SFMBT1: variants seen among roughly 807,000 people sequenced by gnomAD.
SFMBT1 encodes the protein scm-like with four MBT domains protein 1.
A neutral mutation model predicts 108.7 loss-of-function variants in SFMBT1; 32 were observed. That is an observed-to-expected ratio of 0.29 (90% CI 0.22 to 0.40). The LOEUF (loss-of-function observed/expected upper bound fraction) is 0.40. Ranked by LOEUF, SFMBT1 falls within the 10% of genes least tolerant of loss-of-function variation. The pLI is 1.00. For missense variants in SFMBT1, 816 were observed against 1,059.6 expected (o/e 0.77, Z 3.19); for synonymous variants, 348 against 369.5 (o/e 0.94, Z 0.67).
intron 17 of SFMBT1, among the ~76,000 whole-genome samples, chr3:52,910,572 T>C (rs920670012): frequency 1.3e-5 from 2 of 152,114 alleles, no homozygotes; most frequent in African/African-American, 4.8e-5. Context: ...CACTGCAACC[T>C]TCATCTCCCG....
intron 2 of SFMBT1, among the ~76,000 whole-genome samples, chr3:52,966,202 A>G (rs1174903393): frequency 6.7e-6 from 1 of 148,654 alleles, no homozygotes; most frequent in Non-Finnish European, 1.5e-5. Flanking sequence ...CTGTAGTCCC[A>G]GCTACTCGGG....
chr3:52,970,348 A>AT (rs1285726681), intron 1 of SFMBT1, among the ~76,000 whole-genome samples: 2 of 152,178 alleles, frequency 1.3e-5, no homozygotes, highest in Non-Finnish European at 1.5e-5. Context: ...TTTCCCAAAC[A>AT]TTTCACATAA....
At chr3:52,940,142 G>A (rs1703136769) in intron 4 of SFMBT1, among the ~76,000 whole-genome samples, 1 of 152,104 alleles carries the variant, frequency 6.6e-6, no homozygotes, top group African/African-American at 2.4e-5. Context: ...CATACGTTAG[G>A]ATGAGATGGT....
At chr3:52,975,984 C>T (rs761712526) in intron 1 of SFMBT1, among the ~76,000 whole-genome samples, 1 of 152,052 alleles carries the variant, frequency 6.6e-6, no homozygotes, top group Non-Finnish European at 1.5e-5. Context: ...GCACTCCAAC[C>T]TGGGTGATAG....
chr3:52,910,820 C>T (rs555017185), intron 17 of SFMBT1, among the ~76,000 whole-genome samples, 183 bp downstream of exon 17: 2 of 152,306 alleles, frequency 1.3e-5, no homozygotes, highest in South Asian at 4.1e-4. Flanking sequence ...AAACACAACA[C>T]ATAGAAAAAG....
rs1200560459 is a variant in SFMBT1 at position 52,905,133 on chromosome 3, T to C, written c.*3A>G. Reference sequence around the variant, plus strand: ...AAGATCCAGCTCACTTTGGTTGTCCTTCTCAGTTGGCAAACTGCTCATAAA... The same window carrying C: ...AAGATCCAGCTCACTTTGGTTGTCCCTCTCAGTTGGCAAACTGCTCATAAA... On this transcript the variant is annotated 3_prime_UTR_variant, in exon 21 of 21. Coordinates refer to ENST00000394752, the MANE Select transcript of SFMBT1 (RefSeq NM_016329.4). 6.2e-7 allele frequency: 1 copy of C among 1,613,424 alleles called. No individual in the cohort carries two copies. The highest frequency in any genetic ancestry group is 8.5e-7 in the Non-Finnish European group (1 of 1,179,726).
chr3:52,965,207 T>TA (rs113855341), intron 2 of SFMBT1, among the ~76,000 whole-genome samples: 14,101 of 147,258 alleles, frequency 0.096, 675 homozygotes, highest in African/African-American at 0.11. Flanking sequence ...CCCAATTAAT[T>TA]AAAAAAAAAC....
At chr3:52,982,368 A>G (rs760334725) in intron 1 of SFMBT1, among the ~76,000 whole-genome samples, 4 of 152,222 alleles carry the variant, frequency 2.6e-5, no homozygotes, top group Non-Finnish European at 5.9e-5. Context: ...TTGACAACAG[A>G]GCCAATCACA....
At chr3:52,969,023 G>T in intron 2 of SFMBT1, 78 bp downstream of exon 2, 1 of 1,549,476 alleles carries the variant, frequency 6.5e-7, no homozygotes, top group Non-Finnish European at 8.9e-7. Flanking sequence ...TTCAGTGGTA[G>T]AGAAACAGAC....
chr3:52,909,047 CTGAGT>C (rs1343319000), intron 17 of SFMBT1, among the ~76,000 whole-genome samples: 1 of 152,104 alleles, frequency 6.6e-6, no homozygotes, highest in East Asian at 1.9e-4. Context: ...CATATTCTAG[CTGAGT>C]TATGTATTAA....
intron 1 of SFMBT1, among the ~76,000 whole-genome samples, chr3:53,008,836 C>T (rs1698842786): frequency 6.6e-6 from 1 of 151,962 alleles, no homozygotes; most frequent in Non-Finnish European, 1.5e-5. Flanking sequence ...GGGGTTTCAC[C>T]GTGTTAGCCA....
chr3:52,915,655 T>C (rs760054103), intron 14 of SFMBT1, among the ~76,000 whole-genome samples: 4 of 152,226 alleles, frequency 2.6e-5, no homozygotes, highest in Non-Finnish European at 5.9e-5. Flanking sequence ...ACAAAAGGCT[T>C]GAACCTCCAG....
intron 2 of SFMBT1, among the ~76,000 whole-genome samples, chr3:52,961,099 C>T (rs1157438192): frequency 1.3e-5 from 2 of 152,178 alleles, no homozygotes; most frequent in Admixed American, 1.3e-4. Context: ...CATCACTGCA[C>T]TCCAGCCTGG....
intron 9 of SFMBT1, among the ~76,000 whole-genome samples, chr3:52,926,341 G>A (rs909005632): frequency 3.3e-5 from 5 of 152,176 alleles, no homozygotes; most frequent in Admixed American, 2.0e-4. Flanking sequence ...GGATAAATTT[G>A]TAAACTTTCA....
Position 52,974,275 on chromosome 3 carries a change from C to T in SFMBT1, c.-130-5017G>A, listed in dbSNP as rs144767506. Among the ~76,000 whole-genome samples, 4 of 152,262 alleles carry T rather than the reference C, an allele frequency of 2.6e-5. No individual in the cohort carries two copies. In the South Asian group the frequency reaches 6.2e-4, roughly 24 times the overall value. The stretch of plus-strand genomic sequence containing the variant: ...ACAGAAACAAGTCCAACAATAATTT[C>T]GAGTATGTTGTTAAATATACTAATT... On this transcript the variant is annotated intron_variant, in intron 1 of 20. Transcript: ENST00000394752.
chr3:52,970,086 G>A (rs1197864236), intron 1 of SFMBT1, among the ~76,000 whole-genome samples: 1 of 151,012 alleles, frequency 6.6e-6, no homozygotes, highest in Non-Finnish European at 1.5e-5. Flanking sequence ...GGGTGACACA[G>A]CCAGACACTG....
At chr3:52,991,558 G>A (rs1294437060) in intron 1 of SFMBT1, among the ~76,000 whole-genome samples, 3 of 151,984 alleles carry the variant, frequency 2.0e-5, no homozygotes, top group African/African-American at 7.2e-5. Flanking sequence ...TGGCCAGGAT[G>A]GTCTCGAACT....
rs1254406559 is a variant in SFMBT1 at position 52,931,953 on chromosome 3, GAACT to G, written c.700+105_700+108del. 8.0e-5 allele frequency: 100 copies of G among 1,243,274 alleles called. No individual in the cohort carries two copies. In the Middle Eastern group the frequency reaches 9.9e-4, roughly 12 times the overall value. 77.0% of individuals were successfully genotyped at this position (1,243,274 alleles called of 1,614,324 possible). On this transcript the variant is annotated intron_variant, in intron 6 of 20. Coordinates refer to ENST00000394752, the MANE Select transcript of SFMBT1 (RefSeq NM_016329.4). ...CTGTTTTGTAATAGCTCTATTATGA[GAACT>G]AACAAAGGTTTTCATAATATGCAGA...
rs555821989 is a variant in SFMBT1 at position 53,024,255 on chromosome 3, C to T, written c.-131+21561G>A. On this transcript the variant is annotated intron_variant, in intron 1 of 20. Transcript: ENST00000394752. ...TGGAGGTGGGTGGTTAGAGCCTGTT[C>T]TATGAAATTTTAGATACGCAGGTCA... 3.3e-5 allele frequency among the ~76,000 whole-genome samples: 5 copies of T among 151,882 alleles called. No homozygotes were observed. In the South Asian group the frequency reaches 1.0e-3, roughly 32 times the overall value.
Sources: allele counts gnomAD v4.1 joint callset (sites outside exome capture counted in the v4.1 genomes callset), GRCh38; gene constraint gnomAD v4.1.1; transcripts MANE v1.5; gene names NCBI Gene and HGNC (gene_info 2026-07-23, HGNC 2026-07-21).